Variants in C8orf89 observed in about 807,000 individuals in gnomAD.
The protein encoded by C8orf89 is putative uncharacterized protein C8orf89.
A neutral mutation model predicts 15.8 loss-of-function variants in C8orf89; 14 were observed. The observed-to-expected ratio is 0.89, with a 90% CI of 0.59 to 1.39. The LOEUF (loss-of-function observed/expected upper bound fraction) is 1.39. Ranked by LOEUF, C8orf89 falls within the 40% of genes most tolerant of loss-of-function variation. C8orf89 has a pLI of 0.00. For missense variants in C8orf89, 181 were observed against 184.5 expected, an observed-to-expected ratio of 0.98 and a Z score of 0.11; for synonymous variants, 55 against 62.2, an observed-to-expected ratio of 0.88 and a Z score of 0.54.
At chr8:73,277,016 A>C in the C8orf89 span, among the ~76,000 whole-genome samples, 8 of 151,784 alleles carry the variant, frequency 5.3e-5, no homozygotes, top group African/African-American at 1.9e-4. Flanking sequence ...CATGTAACCC[A>C]GGCTTGTCTT....
chr8:73,266,211 C>T, the C8orf89 span, among the ~76,000 whole-genome samples: 1 of 152,228 alleles, frequency 6.6e-6, no homozygotes, highest in Non-Finnish European at 1.5e-5. Flanking sequence ...TGAAAACCTT[C>T]GGCCACCTCT....
At chr8:73,272,409 T>C in the C8orf89 span, among the ~76,000 whole-genome samples, 2 of 152,094 alleles carry the variant, frequency 1.3e-5, no homozygotes, top group Non-Finnish European at 2.9e-5. Context: ...TACCAAGCAC[T>C]ATGACATGCA....
At chr8:73,256,054 A>G (rs1200454358) in intron 2 of C8orf89, among the ~76,000 whole-genome samples, 1 of 151,784 alleles carries the variant, frequency 6.6e-6, no homozygotes, top group Non-Finnish European at 1.5e-5. Context: ...GCACATGTAT[A>G]CATATGTAGC....
At chr8:73,262,313 C>A (rs149746541), upstream of C8orf89, among the ~76,000 whole-genome samples, 1 of 152,058 alleles carries the variant, frequency 6.6e-6, no homozygotes, top group Admixed American at 6.6e-5. Context: ...CACCCTCCAG[C>A]GGACATCTGC....
rs576476347 is a variant in C8orf89 at position 73,242,962 on chromosome 8, T to TATTCAGTGGAATATAC, written c.338-1358_338-1357insGTATATTCCACTGAAT. Among the ~76,000 whole-genome samples the TATTCAGTGGAATATAC allele has an allele frequency of 1.0e-3, 153 of 152,190 alleles. 1 individual carries two copies. In the East Asian group the frequency reaches 0.028, roughly 28 times the overall value. ...AATGTGGTACATATACACAATGGAG[T>TATTCAGTGGAATATAC]ACTATTCAGCCATAAAAAAATGAGA... On this transcript the variant is annotated intron_variant, in intron 3 of 3. Transcript: ENST00000624510.
At chr8:73,284,003 T>C in the C8orf89 span, among the ~76,000 whole-genome samples, 27 of 147,814 alleles carry the variant, frequency 1.8e-4, no homozygotes, top group African/African-American at 6.8e-4. Flanking sequence ...GACCGCGCCA[T>C]GGCACTCCAG....
At chr8:73,273,694 G>T in the C8orf89 span, among the ~76,000 whole-genome samples, 1 of 152,044 alleles carries the variant, frequency 6.6e-6, no homozygotes, top group South Asian at 2.1e-4. Context: ...TCAGTTCCAC[G>T]TGAAGTCTGC....
chr8:73,282,813 T>G, the C8orf89 span, among the ~76,000 whole-genome samples: 1 of 152,212 alleles, frequency 6.6e-6, no homozygotes, highest in South Asian at 2.1e-4. Flanking sequence ...TTATTTAATT[T>G]GGGAGATTCA....
chr8:73,254,097 G>A (rs1252855327), intron 2 of C8orf89, among the ~76,000 whole-genome samples: 1 of 152,124 alleles, frequency 6.6e-6, no homozygotes, highest in East Asian at 1.9e-4. Flanking sequence ...ACTATTTTGA[G>A]ATACGTCCCA....
At chr8:73,260,425 T>C (rs1238174850), upstream of C8orf89, among the ~76,000 whole-genome samples, 10 of 151,994 alleles carry the variant, frequency 6.6e-5, no homozygotes, top group Admixed American at 1.3e-4. Flanking sequence ...TTAGGAGATA[T>C]ACCTAATGTA....
upstream of C8orf89, among the ~76,000 whole-genome samples, chr8:73,260,555 A>C (rs1813506576): frequency 6.6e-6 from 1 of 152,186 alleles, no homozygotes; most frequent in South Asian, 2.1e-4. Flanking sequence ...AAAGAAAGAA[A>C]ACGGATAATA....
chr8:73,270,154 T>G, the C8orf89 span, among the ~76,000 whole-genome samples: 1 of 152,234 alleles, frequency 6.6e-6, no homozygotes, highest in East Asian at 1.9e-4. Flanking sequence ...TCTTCATTTT[T>G]AAAACCTCAG....
chr8:73,270,493 G>GAAAAC, the C8orf89 span, among the ~76,000 whole-genome samples: 1 of 152,072 alleles, frequency 6.6e-6, no homozygotes, highest in East Asian at 1.9e-4. Context: ...TTATGCAACA[G>GAAAAC]AAAACAAAAC....
chr8:73,273,163 C>T, the C8orf89 span, among the ~76,000 whole-genome samples: 280 of 152,302 alleles, frequency 1.8e-3, no homozygotes, highest in Middle Eastern at 3.4e-3. Flanking sequence ...TCCATGGAGC[C>T]AGTGGGAGCG....
the C8orf89 span, among the ~76,000 whole-genome samples, chr8:73,276,106 T>A: frequency 1.3e-5 from 2 of 152,020 alleles, no homozygotes; most frequent in African/African-American, 2.4e-5. Flanking sequence ...GGAAGTAAAA[T>A]TTTTTTATGG....
the C8orf89 span, among the ~76,000 whole-genome samples, chr8:73,283,842 C>T: frequency 6.6e-6 from 1 of 151,904 alleles, no homozygotes; most frequent in Non-Finnish European, 1.5e-5. Context: ...GAGTTCAAGA[C>T]CACCCTGGCC....
At chr8:73,246,218 G>A (rs1813118865) in intron 3 of C8orf89, among the ~76,000 whole-genome samples, 1 of 152,186 alleles carries the variant, frequency 6.6e-6, no homozygotes, top group Admixed American at 6.5e-5. Flanking sequence ...GTAATAATAA[G>A]TATTTACAGA....
the C8orf89 span, among the ~76,000 whole-genome samples, chr8:73,265,469 A>T: frequency 6.6e-6 from 1 of 152,240 alleles, no homozygotes; most frequent in Non-Finnish European, 1.5e-5. Context: ...AACACAAAGA[A>T]GGGAGTTGTT....
Position 73,241,597 on chromosome 8 carries a change from A to C in C8orf89, c.346T>G (p.Phe116Val), listed in dbSNP as rs1205084891. The C allele has an allele frequency of 6.6e-7, 1 of 1,515,066 alleles. No homozygotes were observed. Among genetic ancestry groups the C allele is most frequent in the Non-Finnish European group, 8.8e-7 (1 of 1,136,164 alleles). The allele number at this position is 1,515,066 out of a possible 1,614,324, so 93.9% of individuals were successfully genotyped here. A position where few individuals can be genotyped will look rare whatever the true frequency, so the allele number is the denominator to read the frequency against. Residue 116 changes from phenylalanine to valine, a missense_variant, in exon 4 of 4, where the codon TTC becomes GTC. By Grantham distance (50) the Phe-to-Val change is conservative. Coordinates refer to ENST00000624510, the MANE Select transcript of C8orf89 (RefSeq NM_001243237.3). ...GGTGCTCCAGTGAGAGGATCACTGA[A>C]GCCAGAACCTGGAGGAGGAGGTGGG... ...PLWEKSKGSG[F>V]SDPLTGAPSQ...
Sources: gnomAD v4.1 joint callset for allele counts (sites outside exome capture counted in the v4.1 genomes callset) on GRCh38, gnomAD v4.1.1 for gene constraint, MANE v1.5 for transcripts, NCBI Gene and HGNC (gene_info 2026-07-23, HGNC 2026-07-21) for gene names.